CADPS2: variants seen among roughly 807,000 people sequenced by gnomAD.
The protein encoded by CADPS2 is calcium dependent secretion activator 2.
In CADPS2, 93 loss-of-function variants were observed where a neutral mutation model predicts 172.5. The observed-to-expected ratio is 0.54, with a 90% confidence interval of 0.46 to 0.64. The LOEUF is 0.64. Ranked by LOEUF, CADPS2 falls within the 30% of genes least tolerant of loss-of-function variation. CADPS2 has a pLI of 0.00. For synonymous variants in CADPS2, 546 were observed against 555.2 expected, an observed-to-expected ratio of 0.98 and a Z score of 0.23; for missense variants, 1,420 against 1,565.9, an observed-to-expected ratio of 0.91 and a Z score of 1.57.
At chr7:122,477,902 A>G (rs913240264) in intron 12 of CADPS2, among the ~76,000 whole-genome samples, 2 of 152,172 alleles carry the variant, frequency 1.3e-5, no homozygotes, top group African/African-American at 4.8e-5. Flanking sequence ...CACATCTGCT[A>G]GTTTGTATCC....
intron 25 of CADPS2, chr7:122,368,164 C>A (rs1408789700): frequency 6.6e-6 from 1 of 152,272 alleles, no homozygotes; most frequent in East Asian, 1.9e-4. Flanking sequence ...CAAGTGTGAG[C>A]CACTGCACCC....
chr7:122,446,111 T>A (rs1262840906), intron 15 of CADPS2, among the ~76,000 whole-genome samples: 2 of 152,218 alleles, frequency 1.3e-5, no homozygotes, highest in Non-Finnish European at 2.9e-5. Flanking sequence ...AGGTCTACCA[T>A]CCATGCCCTT....
At chr7:122,853,516 T>C (rs989530519) in intron 1 of CADPS2, among the ~76,000 whole-genome samples, 2 of 152,212 alleles carry the variant, frequency 1.3e-5, no homozygotes, top group Non-Finnish European at 2.9e-5. Flanking sequence ...CTCTGGAATA[T>C]ATAACAGATC....
At chr7:122,765,355 A>G (rs2093513312) in intron 1 of CADPS2, among the ~76,000 whole-genome samples, 1 of 152,130 alleles carries the variant, frequency 6.6e-6, no homozygotes, top group Non-Finnish European at 1.5e-5. Flanking sequence ...AAATTAATCA[A>G]CACACTCTGG....
At chr7:122,862,199 A>T (rs1817116596) in intron 1 of CADPS2, among the ~76,000 whole-genome samples, 1 of 152,216 alleles carries the variant, frequency 6.6e-6, no homozygotes. Context: ...TTACTGCTGT[A>T]CTTTGGAATA....
chr7:122,817,924 G>A (rs147063729), intron 1 of CADPS2, among the ~76,000 whole-genome samples: 2,158 of 135,040 alleles, frequency 0.016, 49 homozygotes, highest in African/African-American at 0.051. Flanking sequence ...CCTTATTTCC[G>A]TGCCCCAACC....
chr7:122,776,836 T>C (rs1480572246), intron 1 of CADPS2, among the ~76,000 whole-genome samples: 1 of 152,150 alleles, frequency 6.6e-6, no homozygotes, highest in East Asian at 1.9e-4. Context: ...GGTAGCACCT[T>C]GCATGTAACT....
chr7:122,475,016 G>A (rs187078812), intron 12 of CADPS2, among the ~76,000 whole-genome samples: 24 of 152,252 alleles, frequency 1.6e-4, no homozygotes, highest in Admixed American at 1.4e-3. Context: ...AAATGGCAAT[G>A]AGCGCTCTCA....
intron 1 of CADPS2, among the ~76,000 whole-genome samples, chr7:122,859,328 T>C (rs909980347): frequency 6.6e-6 from 1 of 152,236 alleles, no homozygotes; most frequent in Non-Finnish European, 1.5e-5. Flanking sequence ...TCTAATTTTT[T>C]ATTCCTGTCT....
At chr7:122,829,022 A>C (rs1408160879) in intron 1 of CADPS2, among the ~76,000 whole-genome samples, 3 of 152,204 alleles carry the variant, frequency 2.0e-5, no homozygotes, top group Non-Finnish European at 4.4e-5. Context: ...GAATGTTTTA[A>C]ATCATTTTAA....
At position 122,871,612 on chromosome 7, in the gene CADPS2, G is replaced by A. The variant is rs532060088; in HGVS notation, c.339+14387C>T. Among the ~76,000 whole-genome samples the A allele has an allele frequency of 2.6e-5, 4 of 152,052 alleles. No individual in the cohort carries two copies. In the South Asian group the frequency reaches 6.2e-4, roughly 24 times the overall value. On this transcript the variant is annotated intron_variant, in intron 1 of 29. Coordinates refer to ENST00000449022, the MANE Select transcript of CADPS2 (RefSeq NM_017954.11). ...AGCATACAAAATACGGTTTAGGAAT[G>A]TCAATGTCTGAAAACGTGGCTTGTG... is the stretch of plus-strand genomic sequence containing the variant.
At chr7:122,426,031 G>A (rs1486740660) in intron 17 of CADPS2, 1 of 152,246 alleles carries the variant, frequency 6.6e-6, no homozygotes, top group Non-Finnish European at 1.5e-5. Flanking sequence ...GATGAAGATG[G>A]TCTGTTCAGT....
At chr7:122,494,033 G>A (rs911268716) in intron 9 of CADPS2, among the ~76,000 whole-genome samples, 3 of 152,092 alleles carry the variant, frequency 2.0e-5, no homozygotes, top group Admixed American at 6.6e-5. Context: ...AAAGTACTTC[G>A]TAGAAATGGT....
chr7:122,418,812 C>T (rs35090045), intron 17 of CADPS2, among the ~76,000 whole-genome samples: 1 of 151,924 alleles, frequency 6.6e-6, no homozygotes, highest in Non-Finnish European at 1.5e-5. Flanking sequence ...ATGGACCATC[C>T]CATATATTTT....
rs899025353 is a variant in CADPS2, at chr7:122,460,656, C to T, written c.2187-9181G>A. On this transcript the variant is annotated intron_variant, in intron 14 of 29. Transcript: ENST00000449022. ...AAACAAGTGACCATGGCAAAAATGT[C>T]GGCAGAAACAATAGAAAATTCAGTT... 5.3e-5 allele frequency among the ~76,000 whole-genome samples: 8 copies of T among 151,504 alleles called. No homozygotes were observed. The East Asian group carries it at 5.9e-4, about 11-fold the overall frequency.
chr7:122,662,433 TG>T (rs2080697618), intron 3 of CADPS2, among the ~76,000 whole-genome samples: 2 of 148,554 alleles, frequency 1.3e-5, no homozygotes, highest in Admixed American at 1.4e-4. Context: ...TGGAGTGCAG[TG>T]GCACGATCTC....
At chr7:122,513,067 A>T (rs1051520668) in intron 9 of CADPS2, among the ~76,000 whole-genome samples, 182 bp downstream of exon 9, 2 of 152,214 alleles carry the variant, frequency 1.3e-5, no homozygotes, top group African/African-American at 4.8e-5. Context: ...TTTGGCTTGG[A>T]AAACAGTTAT....
At chr7:122,396,484 A>C (rs149595604) in intron 20 of CADPS2, among the ~76,000 whole-genome samples, 1 of 152,282 alleles carries the variant, frequency 6.6e-6, no homozygotes, top group East Asian at 1.9e-4. Context: ...TGAAACTAAG[A>C]ATGTCACTCC....
chr7:122,360,273 GC>G (rs1197965734), intron 27 of CADPS2, among the ~76,000 whole-genome samples: 1 of 152,100 alleles, frequency 6.6e-6, no homozygotes, highest in African/African-American at 2.4e-5. Flanking sequence ...CATGATTTCT[GC>G]TCATGGAATC....
Sources: gnomAD v4.1 joint callset for allele counts (sites outside exome capture counted in the v4.1 genomes callset) on GRCh38, gnomAD v4.1.1 for gene constraint, MANE v1.5 for transcripts, NCBI Gene and HGNC (gene_info 2026-07-23, HGNC 2026-07-21) for gene names.